SSTR2: variants seen among roughly 807,000 people sequenced by gnomAD.
SSTR2 encodes the protein somatostatin receptor 2, also known as somatostatin receptor type 2.
SSTR2 carries 10 observed loss-of-function variants against 21.4 expected under a neutral mutation model. The ratio of observed to expected loss-of-function variants is 0.47; its 90% CI spans 0.29 to 0.79. The LOEUF is 0.79. Among genes scored for constraint, SSTR2 ranks in the 30% least tolerant of loss-of-function variants. SSTR2 has a pLI of 0.10. For missense variants in SSTR2, 364 were observed against 468.8 expected (o/e 0.78, Z 2.06); for synonymous variants, 177 against 181.3 (o/e 0.98, Z 0.19).
Position 73,174,250 on chromosome 17 carries a change from C to T in SSTR2, c.*3821C>T, listed in dbSNP as rs1211506756. ...GGAACACGCGGGCCAGTGGATGAGG[C>T]TTCTAGACCTGGCAGTGAACTGGAG... is the stretch of plus-strand genomic sequence containing the variant. On this transcript the variant is annotated 3_prime_UTR_variant, in exon 2 of 2. Transcript: ENST00000357585. The T allele has an allele frequency of 6.6e-6, 1 of 152,052 alleles. No homozygotes were observed. Among genetic ancestry groups the T allele is most frequent in the East Asian group, 1.9e-4 (1 of 5,204 alleles). The allele number at this position is 152,052 out of a possible 1,614,324, so 9.4% of individuals were successfully genotyped here. A position where few individuals can be genotyped will look rare whatever the true frequency, so the allele number is the denominator to read the frequency against.
intron 1 of SSTR2, among the ~76,000 whole-genome samples, chr17:73,168,949 C>A (rs771475133): frequency 3.9e-5 from 6 of 152,176 alleles, no homozygotes; most frequent in Non-Finnish European, 8.8e-5. Flanking sequence ...GATCAGTCAA[C>A]TTCTTAGGGG....
At chr17:73,165,575 G>T (rs1455384315) in intron 1 of SSTR2, among the ~76,000 whole-genome samples, 5 of 152,076 alleles carry the variant, frequency 3.3e-5, no homozygotes, top group Admixed American at 6.5e-5. Context: ...CCGTGTGCGT[G>T]GCGTGTGCCC....
Position 73,169,974 on chromosome 17 carries a change from G to A in SSTR2, c.655G>A (p.Val219Ile), listed in dbSNP as rs1416561843. 1.9e-6 allele frequency: 3 copies of A among 1,608,550 alleles called. No individual in the cohort carries two copies. Among genetic ancestry groups the A allele is most frequent in the Non-Finnish European group, 2.6e-6 (3 of 1,176,142 alleles). ...CTACACTTTCATTCTGGGGTTCCTG[G>A]TACCCCTCACCATCATCTGTCTTTG... The part of the protein sequence containing the change: ...IIYTFILGFL[V>I]PLTIICLCYL... The change falls in exon 2 of 2, where the codon GTA (valine) becomes ATA (isoleucine). Residue 219 changes from valine to isoleucine, a missense_variant. Physicochemically the swap from Val to Ile is conservative, Grantham distance 29 (BLOSUM62 3). Coordinates refer to ENST00000357585, the MANE Select transcript of SSTR2 (RefSeq NM_001050.3). This position sits in a 1 kb window ranked among gnomAD's most constrained non-coding sequence, Gnocchi z 5.2.
Position 73,169,158 on chromosome 17 carries a change from A to C in SSTR2, c.-92-70A>C. On this transcript the variant is annotated intron_variant, in intron 1 of 1. Transcript: ENST00000357585. This position sits in a 1 kb window ranked among gnomAD's most constrained non-coding sequence, Gnocchi z 5.2. ...GAGTATGTCTGAGAGGCTAAACCAG[A>C]AATGTGTAAATTTGGTGAGACTTTA... The C allele has an allele frequency of 1.3e-6, 1 of 786,910 alleles. No individual in the cohort carries two copies. Among genetic ancestry groups the C allele is most frequent in the Middle Eastern group, 3.8e-4 (1 of 2,662 alleles). 48.7% of individuals were successfully genotyped at this position (786,910 alleles called of 1,614,324 possible).
intron 1 of SSTR2, 47 bp downstream of exon 1, chr17:73,165,335 T>TGTGTGTGTGTGTGTGTGTGTGA (rs1491564085): frequency 7.1e-6 from 1 of 141,534 alleles, no homozygotes; most frequent in East Asian, 2.2e-4. Flanking sequence ...TGTGTGTGTG[T>TGTGTGTGTGTGTGTGTGTGTGA]GATAAGAGAG....
rs759702042 is a variant in SSTR2, at chr17:73,169,982, C to A, written c.663C>A (p.Leu221=). Reference sequence around the variant, plus strand: ...TCATTCTGGGGTTCCTGGTACCCCTCACCATCATCTGTCTTTGCTACCTGT... The same window carrying A: ...TCATTCTGGGGTTCCTGGTACCCCTAACCATCATCTGTCTTTGCTACCTGT... ...YTFILGFLVP[L]TIICLCYLFI... is the part of the protein sequence containing the mutation. The change falls in exon 2 of 2, where the codon CTC becomes CTA. Residue 221 remains leucine, a synonymous_variant. Transcript: ENST00000357585. The surrounding 1 kb of genome is among the most constrained non-coding windows in gnomAD (Gnocchi z 5.2). The A allele has an allele frequency of 7.5e-6, 12 of 1,609,596 alleles. No individual in the cohort carries two copies. The highest frequency in any genetic ancestry group is 1.3e-5 in the African/African-American group (1 of 74,772).
intron 1 of SSTR2, among the ~76,000 whole-genome samples, chr17:73,165,946 C>A (rs2061214703): frequency 6.6e-6 from 1 of 151,314 alleles, no homozygotes; most frequent in Admixed American, 6.6e-5. Flanking sequence ...CTCAGCGCCC[C>A]CCCCCCACAC....
Position 73,175,276 on chromosome 17 carries a change from TC to T in SSTR2, c.*4850del. Reference sequence around the variant, plus strand: ...TTAATATGTGAATTTCTGGGAACATTCCCATGGGCAGCCTCTAATTTTTTTT... The same window carrying T: ...TTAATATGTGAATTTCTGGGAACATTCCATGGGCAGCCTCTAATTTTTTTT... On this transcript the variant is annotated 3_prime_UTR_variant, in exon 2 of 2. Transcript: ENST00000357585. 1 of 150,012 alleles carries T rather than the reference TC, an allele frequency of 6.7e-6. No homozygotes were observed. The highest frequency in any genetic ancestry group is 1.5e-5 in the Non-Finnish European group (1 of 67,788). 9.3% of individuals were successfully genotyped at this position (150,012 alleles called of 1,614,324 possible).
Position 73,170,255 on chromosome 17 carries a change from T to C in SSTR2, c.936T>C (p.Tyr312=), listed in dbSNP as rs746720109. The change falls in exon 2 of 2, where the codon TAT becomes TAC. Residue 312 remains tyrosine, a synonymous_variant. Transcript: ENST00000357585. ...ACAGCTGTGCCAACCCTATCCTATA[T>C]GCCTTCTTGTCTGACAACTTCAAGA... The part of the protein sequence containing the change: ...YANSCANPIL[Y]AFLSDNFKKS... 2 of 1,614,130 alleles carry C rather than the reference T, an allele frequency of 1.2e-6. No homozygotes were observed. Among genetic ancestry groups the C allele is most frequent in the Non-Finnish European group, 1.7e-6 (2 of 1,180,036 alleles).
chr17:73,166,805 C>T (rs989966323), intron 1 of SSTR2, among the ~76,000 whole-genome samples: 1 of 152,180 alleles, frequency 6.6e-6, no homozygotes, highest in Non-Finnish European at 1.5e-5. Context: ...CCTCCACCAC[C>T]TTCACCAAGA....
rs1192744900 is a variant in SSTR2, at chr17:73,171,292, TG to T, written c.*864del. 6.0e-6 allele frequency: 1 copy of T among 166,742 alleles called. No homozygotes were observed. Among genetic ancestry groups the T allele is most frequent in the Non-Finnish European group, 1.5e-5 (1 of 68,178 alleles). The allele number at this position is 166,742 out of a possible 1,614,324, so 10.3% of individuals were successfully genotyped here. On this transcript the variant is annotated 3_prime_UTR_variant, in exon 2 of 2. Coordinates refer to ENST00000357585, the MANE Select transcript of SSTR2 (RefSeq NM_001050.3). ...TTAAGTGGTTGTGGTCATCCATCATTGTATTTATCAAGACAAAGCCAACTTT... is the reference window on the plus strand; with the variant it reads ...TTAAGTGGTTGTGGTCATCCATCATTTATTTATCAAGACAAAGCCAACTTT...
rs2061237231 is a variant in SSTR2 at position 73,172,013 on chromosome 17, C to T, written c.*1584C>T. On this transcript the variant is annotated 3_prime_UTR_variant, in exon 2 of 2. Coordinates refer to ENST00000357585, the MANE Select transcript of SSTR2 (RefSeq NM_001050.3). ...AGACATTGTTCACAAAACAAAAGCA[C>T]CCTCACCTGCCAATGAATATGCAGC... The T allele has an allele frequency of 6.6e-6, 1 of 150,482 alleles. No homozygotes were observed. Among genetic ancestry groups the T allele is most frequent in the Non-Finnish European group, 1.5e-5 (1 of 67,870 alleles). The allele number at this position is 150,482 out of a possible 1,614,324, so 9.3% of individuals were successfully genotyped here.
At chr17:73,165,821 A>C (rs2061214175) in intron 1 of SSTR2, among the ~76,000 whole-genome samples, 2 of 151,070 alleles carry the variant, frequency 1.3e-5, no homozygotes, top group South Asian at 2.1e-4. Context: ...CCACCTCGGG[A>C]CAGAAAGGAC....
Position 73,170,436 on chromosome 17 carries a change from TGGG to T in SSTR2, c.*11_*13del, listed in dbSNP as rs751743828. ...CCTCCAAACCAGTATCTGAACTGCT[TGGG>T]GGGTGGGAAAGAACCAAGCCATGCT... On this transcript the variant is annotated 3_prime_UTR_variant, in exon 2 of 2. Coordinates refer to ENST00000357585, the MANE Select transcript of SSTR2 (RefSeq NM_001050.3). The T allele has an allele frequency of 2.5e-6, 4 of 1,608,508 alleles. No individual in the cohort carries two copies. In the South Asian group the frequency reaches 4.4e-5, roughly 18 times the overall value.
At chr17:73,166,706 CTTCT>C (rs1357294490) in intron 1 of SSTR2, among the ~76,000 whole-genome samples, 1 of 152,152 alleles carries the variant, frequency 6.6e-6, no homozygotes, top group Admixed American at 6.5e-5. Context: ...AAGCGGCTGA[CTTCT>C]TTGTTAAATA....
chr17:73,165,951 C>CA (rs982333402), intron 1 of SSTR2, among the ~76,000 whole-genome samples: 7 of 151,674 alleles, frequency 4.6e-5, no homozygotes, highest in Non-Finnish European at 7.4e-5. Context: ...CGCCCCCCCC[C>CA]CACACCCGGC....
At position 73,170,930 on chromosome 17, in the gene SSTR2, A is replaced by G. The variant is rs1026832733; in HGVS notation, c.*501A>G. The G allele has an allele frequency of 1.4e-5, 5 of 365,776 alleles. No homozygotes were observed. Among genetic ancestry groups the G allele is most frequent in the Admixed American group, 1.1e-4 (3 of 26,478 alleles). 22.7% of individuals were successfully genotyped at this position (365,776 alleles called of 1,614,324 possible). On this transcript the variant is annotated 3_prime_UTR_variant, in exon 2 of 2. Coordinates refer to ENST00000357585, the MANE Select transcript of SSTR2 (RefSeq NM_001050.3). ...GCCCGCAGAAATGGACTTACCGTGA[A>G]GCCAATAAAGTTCAAGCTTCAGGGA... is the stretch of plus-strand genomic sequence containing the variant.
chr17:73,169,940 G>A lies in SSTR2; in HGVS notation c.621G>A (p.Gly207=). 9 of 1,607,448 alleles carry A rather than the reference G, an allele frequency of 5.6e-6. No individual in the cohort carries two copies. Among genetic ancestry groups the A allele is most frequent in the Non-Finnish European group, 7.7e-6 (9 of 1,175,824 alleles). Residue 207 remains glycine, a synonymous_variant, in exon 2 of 2, where the codon GGG becomes GGA. Coordinates refer to ENST00000357585, the MANE Select transcript of SSTR2 (RefSeq NM_001050.3). The surrounding 1 kb of genome is among the most constrained non-coding windows in gnomAD (Gnocchi z 5.2). The part of the protein sequence containing the change: ...WPGESGAWYT[G]FIIYTFILGF... Reference sequence around the variant, plus strand: ...GTGAATCTGGGGCTTGGTACACAGGGTTCATCATCTACACTTTCATTCTGG... The same window carrying A: ...GTGAATCTGGGGCTTGGTACACAGGATTCATCATCTACACTTTCATTCTGG...
Position 73,174,199 on chromosome 17 carries a change from C to T in SSTR2, c.*3770C>T, listed in dbSNP as rs1314332525. ...TCATACATAGCATGGCAGAGGGACA[C>T]TGGAGAATAAAATGGCATGCAGAGA... is the stretch of plus-strand genomic sequence containing the variant. On this transcript the variant is annotated 3_prime_UTR_variant, in exon 2 of 2. Coordinates refer to ENST00000357585, the MANE Select transcript of SSTR2 (RefSeq NM_001050.3). 1 of 151,320 alleles carries T rather than the reference C, an allele frequency of 6.6e-6. No individual in the cohort carries two copies. Among genetic ancestry groups the T allele is most frequent in the Non-Finnish European group, 1.5e-5 (1 of 67,928 alleles). The allele number at this position is 151,320 out of a possible 1,614,324, so 9.4% of individuals were successfully genotyped here.
Sources: gnomAD v4.1 joint callset for allele counts (sites outside exome capture counted in the v4.1 genomes callset) on GRCh38, gnomAD v4.1.1 for gene constraint, Gnocchi (gnomAD v3.1) non-coding constraint, MANE v1.5 for transcripts, NCBI Gene and HGNC (gene_info 2026-07-23, HGNC 2026-07-21) for gene names.